Variants in SPRY3 observed in about 807,000 individuals in gnomAD.
SPRY3 encodes sprouty RTK signaling antagonist 3.
A neutral mutation model predicts 20.2 loss-of-function variants in SPRY3; 15 were observed. The ratio of observed to expected loss-of-function variants is 0.74; its 90% CI spans 0.50 to 1.14. The LOEUF is 1.14. SPRY3 is among the 50% of genes most tolerant of loss of function. SPRY3 has a pLI of 0.00. For missense variants in SPRY3, 364 were observed against 363.9 expected (o/e 1.00, Z 0.00); for synonymous variants, 143 against 136.5 (o/e 1.05, Z -0.33).
At chrX:155,708,048 T>C (rs1300095124) in intron 2 of SPRY3, among the ~76,000 whole-genome samples, 1 of 151,340 alleles carries the variant, frequency 6.6e-6, no homozygotes, top group African/African-American at 2.4e-5. Flanking sequence ...AATTCTTCTG[T>C]TGAGTTTTTA....
chrX:155,757,229 C>G (rs1306502444), intron 2 of SPRY3, among the ~76,000 whole-genome samples: 2 of 152,142 alleles, frequency 1.3e-5, no homozygotes, highest in Admixed American at 1.3e-4. Context: ...CCTTCCCACT[C>G]TAGGCATAGG....
intron 2 of SPRY3, among the ~76,000 whole-genome samples, chrX:155,712,372 A>G (rs745581263): frequency 1.3e-5 from 2 of 151,958 alleles, no homozygotes; most frequent in South Asian, 2.1e-4. Flanking sequence ...GGGTGCCCCA[A>G]TATCAGGTAC....
At chrX:155,710,722 G>A (rs1187045060) in intron 2 of SPRY3, among the ~76,000 whole-genome samples, 1 of 151,636 alleles carries the variant, frequency 6.6e-6, no homozygotes, top group Non-Finnish European at 1.5e-5. Context: ...GCAAAAATAA[G>A]CATCCTTGTC....
chrX:155,621,748 C>T (rs1209509716), intron 1 of SPRY3, among the ~76,000 whole-genome samples: 4 of 111,524 alleles, frequency 3.6e-5, no homozygotes, highest in Non-Finnish European at 7.5e-5. Flanking sequence ...ATGCTTGGCC[C>T]AACTTCTCTA....
intron 2 of SPRY3, among the ~76,000 whole-genome samples, chrX:155,711,515 T>G: frequency 6.6e-6 from 1 of 151,638 alleles, no homozygotes; most frequent in Non-Finnish European, 1.5e-5. Context: ...GTGTTTCATC[T>G]CTGATTTTAT....
At chrX:155,678,752 G>A (rs1156354701) in intron 2 of SPRY3, among the ~76,000 whole-genome samples, 1 of 112,185 alleles carries the variant, frequency 8.9e-6, no homozygotes, top group African/African-American at 3.2e-5. Context: ...AAATGTGAAT[G>A]ACAAACCTGT....
At chrX:155,696,212 A>AACACAC (rs201511557) in intron 2 of SPRY3, among the ~76,000 whole-genome samples, 11 of 103,460 alleles carry the variant, frequency 1.1e-4, no homozygotes, top group Non-Finnish European at 1.6e-4. Flanking sequence ...ATACACACAC[A>AACACAC]ACACACACAC....
intron 2 of SPRY3, among the ~76,000 whole-genome samples, chrX:155,767,377 T>C (rs700442): frequency 0.65 from 99,178 of 151,786 alleles, 32,888 homozygotes; most frequent in East Asian, 0.9. Context: ...ACTCACTCCC[T>C]GCCCCCACTG....
intron 2 of SPRY3, among the ~76,000 whole-genome samples, chrX:155,708,622 A>G (rs1295626681): frequency 6.6e-6 from 1 of 151,348 alleles, no homozygotes; most frequent in Non-Finnish European, 1.5e-5. Context: ...ATTTCTGTAC[A>G]TAGCAGGTAT....
chrX:155,758,925 G>T (rs1416690579), intron 2 of SPRY3, among the ~76,000 whole-genome samples: 1 of 152,122 alleles, frequency 6.6e-6, no homozygotes, highest in Non-Finnish European at 1.5e-5. Flanking sequence ...CATGCAATGT[G>T]TAGCCTTCTA....
rs901075153 is a variant in SPRY3, at chrX:155,645,054, G to A, written c.-440-11813G>A. ...AAGGGCTCTTCAGTCATCAGGTGAT[G>A]GATCCTGCCAGGACTGGGTCCTTCT... On this transcript the variant is annotated intron_variant, in intron 1 of 3. Coordinates refer to ENST00000675360, the Ensembl canonical transcript of SPRY3. Among the ~76,000 whole-genome samples, 3 of 111,411 alleles carry A rather than the reference G, an allele frequency of 2.7e-5. No individual in the cohort carries two copies. The East Asian group carries it at 8.5e-4, about 31-fold the overall frequency.
chrX:155,664,873 C>A (rs1461237983), intron 2 of SPRY3, among the ~76,000 whole-genome samples: 1 of 107,907 alleles, frequency 9.3e-6, no homozygotes, highest in African/African-American at 3.4e-5. Flanking sequence ...GGGAGGAGTT[C>A]TTTAATAAAA....
At chrX:155,708,787 A>G (rs2124539748) in intron 2 of SPRY3, among the ~76,000 whole-genome samples, 1 of 151,594 alleles carries the variant, frequency 6.6e-6, no homozygotes, top group Non-Finnish European at 1.5e-5. Flanking sequence ...ATGTACAATT[A>G]GGTTATTATT....
At chrX:155,755,999 T>C (rs967239458) in intron 2 of SPRY3, among the ~76,000 whole-genome samples, 1 of 152,062 alleles carries the variant, frequency 6.6e-6, no homozygotes, top group African/African-American at 2.4e-5. Flanking sequence ...GGGGAGACCT[T>C]GTAATACAGA....
intron 2 of SPRY3, among the ~76,000 whole-genome samples, chrX:155,676,244 T>A (rs1242601355): frequency 1.8e-5 from 2 of 111,310 alleles, no homozygotes; most frequent in Admixed American, 9.6e-5. Context: ...CTTTCTTCTA[T>A]TTTTTTCATC....
At position 155,774,220 on chromosome X, in the gene SPRY3, C is replaced by T. The variant is rs766514808; in HGVS notation, c.349C>T (p.Pro117Ser). 3.5e-4 allele frequency: 559 copies of T among 1,614,024 alleles called. 4 individuals are homozygous for T. The South Asian group carries it at 5.7e-3, about 17-fold the overall frequency. The change falls in exon 4 of 4, where the codon CCT becomes TCT. Residue 117 changes from proline to serine, a missense_variant. Physicochemically the swap from Pro to Ser is moderately conservative, Grantham distance 74. Transcript: ENST00000675360. ...AGGCCAATCCATCATCCGAACCCAA[C>T]CTGGAGCAGGGGTCCACCCAAAGGC...
intron 2 of SPRY3, among the ~76,000 whole-genome samples, chrX:155,714,739 C>A (rs775627203): frequency 7.2e-5 from 11 of 152,150 alleles, no homozygotes; most frequent in African/African-American, 1.7e-4. Flanking sequence ...AAAAATGTAG[C>A]AATTTACCTG....
At chrX:155,699,249 G>C (rs948889832) in intron 2 of SPRY3, among the ~76,000 whole-genome samples, 1 of 111,391 alleles carries the variant, frequency 9.0e-6, no homozygotes, top group Non-Finnish European at 1.9e-5. Context: ...CAGTTGGCCC[G>C]TATCTAAGGG....
chrX:155,668,034 A>T (rs1364293662), intron 2 of SPRY3, among the ~76,000 whole-genome samples: 4 of 22,346 alleles, frequency 1.8e-4, no homozygotes, highest in East Asian at 2.0e-3. Context: ...CAACTTTTTA[A>T]AAAAAATTGA....
Sources: gnomAD v4.1 joint callset for allele counts (sites outside exome capture counted in the v4.1 genomes callset) on GRCh38, gnomAD v4.1.1 for gene constraint, MANE v1.5 for transcripts, NCBI Gene and HGNC (gene_info 2026-07-23, HGNC 2026-07-21) for gene names.